The following NTM variants were observed in gnomAD, a reference collection of about 807,000 sequenced individuals.
NTM encodes neurotrimin.
Under a neutral mutation model 42.1 loss-of-function variants are expected in NTM, and 13 were observed. The ratio of observed to expected loss-of-function variants is 0.31; its 90% CI spans 0.20 to 0.49. The LOEUF (loss-of-function observed/expected upper bound fraction) is 0.49. Ranked by LOEUF, NTM falls within the 20% of genes least tolerant of loss-of-function variation. The pLI is 0.99. For synonymous variants in NTM, 187 were observed against 179.2 expected, an observed-to-expected ratio of 1.04 and a Z score of -0.35; for missense variants, 373 against 452.8, an observed-to-expected ratio of 0.82 and a Z score of 1.60.
At chr11:132,071,205 A>G (rs1364420986) in intron 2 of NTM, among the ~76,000 whole-genome samples, 1 of 140,670 alleles carries the variant, frequency 7.1e-6, no homozygotes, top group Non-Finnish European at 1.6e-5. Context: ...CCAAGTTAAC[A>G]CGTCACACTG....
chr11:131,487,035 C>G (rs561392897), intron 1 of NTM, among the ~76,000 whole-genome samples: 50 of 152,130 alleles, frequency 3.3e-4, no homozygotes, highest in Admixed American at 1.5e-3. Context: ...CACCCACTTG[C>G]TCACCAATTT....
At chr11:131,986,067 T>C (rs2066025784) in intron 2 of NTM, among the ~76,000 whole-genome samples, 2 of 152,224 alleles carry the variant, frequency 1.3e-5, no homozygotes, top group African/African-American at 2.4e-5. Flanking sequence ...CTGTTTTGGA[T>C]TGAACTATGC....
At chr11:132,244,429 G>A (rs1203739971) in intron 4 of NTM, among the ~76,000 whole-genome samples, 2 of 152,184 alleles carry the variant, frequency 1.3e-5, no homozygotes, top group East Asian at 1.9e-4. Context: ...GTTTAATAAC[G>A]CAACAGACTG....
intron 3 of NTM, 164 bp from the exon 4 acceptor site, chr11:132,211,858 A>G (rs2082901607): frequency 1.9e-6 from 1 of 540,238 alleles, no homozygotes; most frequent in Non-Finnish European, 3.0e-6. Flanking sequence ...GCTAAATTAA[A>G]GGTAAGACTT....
At chr11:132,282,667 A>C (rs746390179) in intron 4 of NTM, among the ~76,000 whole-genome samples, 2 of 152,208 alleles carry the variant, frequency 1.3e-5, no homozygotes, top group Non-Finnish European at 2.9e-5. Context: ...AGTTGGAATA[A>C]GTTTTTCCTT....
At chr11:131,913,795 G>T (rs1017366241) in intron 2 of NTM, among the ~76,000 whole-genome samples, 2 of 152,152 alleles carry the variant, frequency 1.3e-5, no homozygotes, top group African/African-American at 4.8e-5. Context: ...CTGCCATTCT[G>T]TGCCAGCCTC....
chr11:132,012,348 C>G (rs1487940636), intron 2 of NTM, among the ~76,000 whole-genome samples: 1 of 152,130 alleles, frequency 6.6e-6, no homozygotes, highest in Admixed American at 6.5e-5. Context: ...AAGTAGCTGT[C>G]TTGTCATTCC....
intron 1 of NTM, among the ~76,000 whole-genome samples, chr11:131,686,225 G>A (rs1026420812): frequency 3.9e-4 from 59 of 152,140 alleles, no homozygotes; most frequent in African/African-American, 1.3e-3. Context: ...TGGGGGTGCC[G>A]ACCCCTTGCT....
intron 4 of NTM, among the ~76,000 whole-genome samples, chr11:132,266,509 A>G (rs922656134): frequency 6.6e-6 from 1 of 152,218 alleles, no homozygotes; most frequent in Non-Finnish European, 1.5e-5. Flanking sequence ...ATATAACTCT[A>G]GGTAGAGCCA....
At chr11:131,809,003 A>G (rs1033393970) in intron 1 of NTM, among the ~76,000 whole-genome samples, 9 of 152,244 alleles carry the variant, frequency 5.9e-5, no homozygotes, top group African/African-American at 2.2e-4. Flanking sequence ...AATGTAGCAG[A>G]CTTTTTATGA....
intron 1 of NTM, among the ~76,000 whole-genome samples, chr11:131,781,766 C>A (rs1449687167): frequency 6.6e-6 from 1 of 152,174 alleles, no homozygotes; most frequent in Non-Finnish European, 1.5e-5. Context: ...GGAAATAAAA[C>A]AGATGAAGTG....
chr11:132,268,581 G>C (rs1356077769), intron 4 of NTM, among the ~76,000 whole-genome samples: 1 of 151,952 alleles, frequency 6.6e-6, no homozygotes, highest in Non-Finnish European at 1.5e-5. Flanking sequence ...GTGTGTCTGT[G>C]TGTGGTGTGG....
intron 2 of NTM, among the ~76,000 whole-genome samples, chr11:132,092,066 A>G (rs1347573882): frequency 1.3e-5 from 2 of 152,210 alleles, no homozygotes; most frequent in Non-Finnish European, 2.9e-5. Flanking sequence ...TCTTCTAGCA[A>G]TGCTATGGAC....
intron 1 of NTM, among the ~76,000 whole-genome samples, chr11:131,821,745 C>T (rs1423551219): frequency 1.3e-5 from 2 of 152,154 alleles, no homozygotes; most frequent in South Asian, 2.1e-4. Flanking sequence ...GAGAACCATG[C>T]CCCCACTGAC....
chr11:131,758,973 C>T lies in NTM; in HGVS notation c.83-152591C>T, dbSNP rs377361655. Among the ~76,000 whole-genome samples the T allele has an allele frequency of 3.9e-5, 6 of 152,094 alleles. No homozygotes were observed. In the South Asian group the frequency reaches 1.2e-3, roughly 32 times the overall value. ...GACTCTTTGAACATGAGTGGGTCAC[C>T]CATTTTTACTAAGAGAAGGAACCAC... On this transcript the variant is annotated intron_variant, in intron 1 of 8. Coordinates refer to ENST00000683400, the MANE Select transcript of NTM (RefSeq NM_001352005.2).
intron 4 of NTM, among the ~76,000 whole-genome samples, chr11:132,270,301 G>A (rs1055893405): frequency 9.9e-5 from 15 of 152,002 alleles, no homozygotes; most frequent in Admixed American, 7.9e-4. Context: ...GCACGATATC[G>A]GCTCACTGCA....
intron 3 of NTM, among the ~76,000 whole-genome samples, chr11:132,155,565 C>A (rs977131815): frequency 6.6e-6 from 1 of 152,198 alleles, no homozygotes; most frequent in African/African-American, 2.4e-5. Context: ...GCTTTCTGGC[C>A]TTCTGACCTG....
intron 1 of NTM, among the ~76,000 whole-genome samples, chr11:131,489,890 G>C (rs1179839181): frequency 6.6e-6 from 1 of 152,184 alleles, no homozygotes; most frequent in African/African-American, 2.4e-5. Flanking sequence ...ATCTGAGGCT[G>C]GGTAATTTAC....
In NTM at chr11:132,314,828, GA is replaced by G. The variant is rs533387101; in HGVS notation, c.934+133del. On this transcript the variant is annotated intron_variant, in intron 7 of 8. Coordinates refer to ENST00000683400, the MANE Select transcript of NTM (RefSeq NM_001352005.2). ...GGTATCAGTGGACATGGAGAGGGAG[GA>G]AAAAAAAGAGAGAGACACAGAAAGA... 3.5e-4 allele frequency: 477 copies of G among 1,376,350 alleles called. 3 individuals are homozygous for G. The African/African-American group carries it at 6.0e-3, about 17-fold the overall frequency. The allele number at this position is 1,376,350 out of a possible 1,614,324, so 85.3% of individuals were successfully genotyped here. A position where few individuals can be genotyped will look rare whatever the true frequency, so the allele number is the denominator to read the frequency against.
Sources: allele counts gnomAD v4.1 joint callset (sites outside exome capture counted in the v4.1 genomes callset), GRCh38; gene constraint gnomAD v4.1.1; transcripts MANE v1.5; gene names NCBI Gene and HGNC (gene_info 2026-07-23, HGNC 2026-07-21).